The following CPNE8 variants were observed in gnomAD, a reference collection of about 807,000 sequenced individuals.
CPNE8 encodes copine-8.
In CPNE8, 45 loss-of-function variants were observed where a neutral mutation model predicts 81.5. The ratio of observed to expected loss-of-function variants is 0.55; its 90% CI spans 0.44 to 0.71. CPNE8 has a LOEUF of 0.71. Among genes scored for constraint, CPNE8 ranks in the 30% least tolerant of loss-of-function variants. The probability of loss-of-function intolerance (pLI) is 0.00; values close to 1 mark genes in which losing one functional copy is unlikely to be tolerated. For missense variants in CPNE8, 594 were observed against 672.1 expected, an observed-to-expected ratio of 0.88 and a Z score of 1.28; for synonymous variants, 252 against 226.3, an observed-to-expected ratio of 1.11 and a Z score of -1.02.
intron 6 of CPNE8, among the ~76,000 whole-genome samples, chr12:38,779,013 T>A (rs946225354): frequency 1.3e-5 from 2 of 152,192 alleles, no homozygotes; most frequent in Non-Finnish European, 2.9e-5. Context: ...GTTTTCAGCA[T>A]CCTTCCAGCA....
chr12:38,707,106 G>C (rs1469899778), intron 13 of CPNE8, among the ~76,000 whole-genome samples: 2 of 152,130 alleles, frequency 1.3e-5, no homozygotes, highest in Non-Finnish European at 2.9e-5. Context: ...TTGAAGCCAG[G>C]AGTTCCAGAC....
chr12:38,822,370 CAA>C (rs912949700), intron 6 of CPNE8, among the ~76,000 whole-genome samples: 2 of 152,016 alleles, frequency 1.3e-5, no homozygotes, highest in Admixed American at 1.3e-4. Flanking sequence ...TAAGTGTAAT[CAA>C]GTTTGGTTTA....
chr12:38,828,001 G>A (rs1267960643), intron 6 of CPNE8, among the ~76,000 whole-genome samples: 1 of 152,070 alleles, frequency 6.6e-6, no homozygotes, highest in Non-Finnish European at 1.5e-5. Context: ...AAATGAATAA[G>A]AAGTGTACCC....
upstream of CPNE8, chr12:38,906,301 GT>G (rs1161233732): frequency 1.0e-6 from 1 of 985,378 alleles, no homozygotes; most frequent in Admixed American, 6.1e-5. Flanking sequence ...CGGTGGCAAA[GT>G]GGCCGATCAA....
At chr12:38,713,895 GC>G (rs1940322399) in intron 13 of CPNE8, among the ~76,000 whole-genome samples, 1 of 152,096 alleles carries the variant, frequency 6.6e-6, no homozygotes, top group Admixed American at 6.5e-5. Context: ...TCTGATAAAA[GC>G]ATAGACCAGG....
At chr12:38,882,170 T>G (rs1022843449) in intron 1 of CPNE8, among the ~76,000 whole-genome samples, 2 of 152,214 alleles carry the variant, frequency 1.3e-5, no homozygotes, top group African/African-American at 4.8e-5. Flanking sequence ...TACCCTGGAT[T>G]ATCTTGGAAG....
chr12:38,792,678 C>T (rs1440336424), intron 6 of CPNE8, among the ~76,000 whole-genome samples: 3 of 151,846 alleles, frequency 2.0e-5, no homozygotes, highest in East Asian at 3.9e-4. Flanking sequence ...ACCAGTCTTC[C>T]TGAAACACTT....
At chr12:38,701,075 C>T (rs1592020295) in intron 14 of CPNE8, among the ~76,000 whole-genome samples, 1 of 152,228 alleles carries the variant, frequency 6.6e-6, no homozygotes, top group East Asian at 1.9e-4. Flanking sequence ...ATTGCAAGGA[C>T]AAATCTTACT....
At chr12:38,729,813 T>C (rs1940790115) in intron 11 of CPNE8, among the ~76,000 whole-genome samples, 1 of 152,050 alleles carries the variant, frequency 6.6e-6, no homozygotes, top group Non-Finnish European at 1.5e-5. Context: ...ATGTGTCTGC[T>C]TTAACAACGT....
chr12:38,728,317 A>C (rs778345832), intron 11 of CPNE8, among the ~76,000 whole-genome samples: 1 of 152,184 alleles, frequency 6.6e-6, no homozygotes, highest in Non-Finnish European at 1.5e-5. Flanking sequence ...TATTGAAAGA[A>C]GGAAATCATG....
chr12:38,681,278 G>C (rs1373572940), intron 16 of CPNE8, among the ~76,000 whole-genome samples: 1 of 152,030 alleles, frequency 6.6e-6, no homozygotes, highest in Non-Finnish European at 1.5e-5. Flanking sequence ...AGAGGAAACA[G>C]ATTAATCAGG....
Position 38,872,995 on chromosome 12 carries a change from T to A in CPNE8, c.186+9A>T, listed in dbSNP as rs1037654802. 1.3e-6 allele frequency: 2 copies of A among 1,493,460 alleles called. No individual in the cohort carries two copies. The highest frequency in any genetic ancestry group is 1.7e-5 in the Admixed American group (1 of 57,908). 92.5% of individuals were successfully genotyped at this position (1,493,460 alleles called of 1,614,324 possible). ...CCCAGTGATTTTTTTAAAAAAGTTT[T>A]AAACTTACCTCTCTCCATTCTTTAT... On this transcript the variant is annotated intron_variant, in intron 3 of 19. Transcript: ENST00000331366.
chr12:38,701,549 A>T (rs1939947723), intron 14 of CPNE8, among the ~76,000 whole-genome samples: 1 of 152,134 alleles, frequency 6.6e-6, no homozygotes. Context: ...TTTGGAGTAC[A>T]GTGGCACAAT....
intron 10 of CPNE8, among the ~76,000 whole-genome samples, chr12:38,757,323 T>C (rs1273252547): frequency 6.6e-6 from 1 of 152,004 alleles, no homozygotes; most frequent in South Asian, 2.1e-4. Flanking sequence ...CACTCTGATG[T>C]TTTTAAAAAA....
chr12:38,653,060 C>G lies in CPNE8; in HGVS notation c.*822G>C, dbSNP rs1309694314. 1 of 152,460 alleles carries G rather than the reference C, an allele frequency of 6.6e-6. No homozygotes were observed. Among genetic ancestry groups the G allele is most frequent in the Non-Finnish European group, 1.5e-5 (1 of 68,016 alleles). The allele number at this position is 152,460 out of a possible 1,614,324, so 9.4% of individuals were successfully genotyped here. A position where few individuals can be genotyped will look rare whatever the true frequency, so the allele number is the denominator to read the frequency against. On this transcript the variant is annotated 3_prime_UTR_variant, in exon 20 of 20. Coordinates refer to ENST00000331366, the MANE Select transcript of CPNE8 (RefSeq NM_153634.3). Reference sequence around the variant, plus strand: ...TCTTGGTTTCAGTCTTTCTAAATAGCATTATTATATAAGGATGCTACTTTT... The same window carrying G: ...TCTTGGTTTCAGTCTTTCTAAATAGGATTATTATATAAGGATGCTACTTTT...
At chr12:38,891,418 A>ATT (rs1182176020) in intron 1 of CPNE8, among the ~76,000 whole-genome samples, 1 of 151,930 alleles carries the variant, frequency 6.6e-6, no homozygotes, top group African/African-American at 2.4e-5. Context: ...TCAGGCAGGC[A>ATT]TTTCAGTGTT....
At chr12:38,892,244 G>A (rs1435900252) in intron 1 of CPNE8, among the ~76,000 whole-genome samples, 1 of 152,160 alleles carries the variant, frequency 6.6e-6, no homozygotes, top group Non-Finnish European at 1.5e-5. Context: ...AGATAAGGCT[G>A]GGAAAGGAAT....
intron 5 of CPNE8, among the ~76,000 whole-genome samples, chr12:38,831,344 G>C (rs574609222): frequency 6.6e-6 from 1 of 152,282 alleles, no homozygotes; most frequent in South Asian, 2.1e-4. Flanking sequence ...CATTAGAGCA[G>C]TGTATTCAGA....
chr12:38,694,305 T>TA (rs963657100), intron 14 of CPNE8, among the ~76,000 whole-genome samples: 5 of 152,050 alleles, frequency 3.3e-5, no homozygotes, highest in Admixed American at 2.0e-4. Context: ...ATTTAGCACT[T>TA]AAAAAAGGGA....
Sources: allele counts gnomAD v4.1 joint callset (sites outside exome capture counted in the v4.1 genomes callset), GRCh38; gene constraint gnomAD v4.1.1; transcripts MANE v1.5; gene names NCBI Gene and HGNC (gene_info 2026-07-23, HGNC 2026-07-21).